BABAM2: variants seen among roughly 807,000 people sequenced by gnomAD.
BABAM2 encodes the protein BRISC and BRCA1 A complex member 2, also known as BRISC and BRCA1-A complex member 2.
BABAM2 carries 31 observed loss-of-function variants against 54.7 expected under a neutral mutation model. The ratio of observed to expected loss-of-function variants is 0.57; its 90% CI spans 0.43 to 0.77. The LOEUF (loss-of-function observed/expected upper bound fraction) is 0.77, where lower values mean the gene tolerates loss of function less well. Among genes scored for constraint, BABAM2 ranks in the 30% least tolerant of loss-of-function variants. The pLI is 0.00. For missense variants in BABAM2, 364 were observed against 455.8 expected (o/e 0.80, Z 1.83); for synonymous variants, 167 against 162.9 (o/e 1.03, Z -0.19).
At chr2:28,306,067 C>T (rs7567532) in intron 11 of BABAM2, among the ~76,000 whole-genome samples, 25 of 151,858 alleles carry the variant, frequency 1.6e-4, no homozygotes, top group Middle Eastern at 3.4e-3. Flanking sequence ...TATATTAATT[C>T]GGTTTTGGTC....
chr2:27,955,980 T>C (rs903469834), intron 3 of BABAM2, among the ~76,000 whole-genome samples: 62 of 66,716 alleles, frequency 9.3e-4, no homozygotes, highest in Non-Finnish European at 2.2e-3. Context: ...TTTGGCAACA[T>C]GTTTTTTTTT....
intron 7 of BABAM2, among the ~76,000 whole-genome samples, chr2:28,222,931 C>T (rs950158611): frequency 6.6e-6 from 1 of 152,206 alleles, no homozygotes; most frequent in African/African-American, 2.4e-5. Flanking sequence ...AGGCCCGCCC[C>T]GCACTCTGTC....
intron 2 of BABAM2, among the ~76,000 whole-genome samples, chr2:27,925,008 T>C (rs1442573526): frequency 6.6e-6 from 1 of 152,228 alleles, no homozygotes; most frequent in African/African-American, 2.4e-5. Flanking sequence ...TTGAGCACTT[T>C]GGCTCTTGGC....
At chr2:28,175,045 A>T (rs1409982359) in intron 7 of BABAM2, among the ~76,000 whole-genome samples, 1 of 152,148 alleles carries the variant, frequency 6.6e-6, no homozygotes, top group African/African-American at 2.4e-5. Flanking sequence ...GCCTAAAGCT[A>T]TTGCCACTGA....
At chr2:27,948,666 G>A (rs1362681268) in intron 3 of BABAM2, among the ~76,000 whole-genome samples, 1 of 152,196 alleles carries the variant, frequency 6.6e-6, no homozygotes, top group Non-Finnish European at 1.5e-5. Context: ...AGCTACTTGG[G>A]AGGCTGAGGC....
chr2:28,159,137 T>C (rs1004457307), intron 7 of BABAM2, among the ~76,000 whole-genome samples: 1 of 152,228 alleles, frequency 6.6e-6, no homozygotes, highest in Non-Finnish European at 1.5e-5. Flanking sequence ...TAGTGTAATA[T>C]GTCATTATTC....
intron 7 of BABAM2, among the ~76,000 whole-genome samples, chr2:28,229,589 C>CTT (rs5830065): frequency 1.5e-5 from 2 of 133,176 alleles, no homozygotes; most frequent in African/African-American, 2.7e-5. Context: ...TTCTTTTTTT[C>CTT]TTTTTTTTTT....
rs116724318 is a variant in BABAM2, at chr2:28,320,588, G to A, written c.1089-17862G>A. Among the ~76,000 whole-genome samples, 697 of 152,330 alleles carry A rather than the reference G, an allele frequency of 4.6e-3. 7 individuals are homozygous for A. Among genetic ancestry groups the A allele is most frequent in the African/African-American group, 0.016 (647 of 41,570 alleles). On this transcript the variant is annotated intron_variant, in intron 11 of 11. Transcript: ENST00000379624. ...ACTACTCCACGTTGCCAGGCCCATG[G>A]TGATGTCCTCACATTTAGCTGCAGC... is the stretch of plus-strand genomic sequence containing the variant.
At chr2:27,890,594 C>T (rs1452033032), upstream of BABAM2, 1 of 479,326 alleles carries the variant, frequency 2.1e-6, no homozygotes, top group East Asian at 3.6e-5. This position sits in a 1 kb window ranked among gnomAD's most constrained non-coding sequence, Gnocchi z 4.8. Flanking sequence ...CCTCGTCACT[C>T]ACGGGGCAGG....
At chr2:28,288,939 C>G (rs571315196) in intron 10 of BABAM2, among the ~76,000 whole-genome samples, 12 of 151,410 alleles carry the variant, frequency 7.9e-5, no homozygotes, top group African/African-American at 2.9e-4. Flanking sequence ...TTCTTCCTGG[C>G]ACTCTACCCA....
chr2:27,922,126 A>C, intron 2 of BABAM2, among the ~76,000 whole-genome samples: 1 of 152,344 alleles, frequency 6.6e-6, no homozygotes, highest in East Asian at 1.9e-4. Flanking sequence ...CCAATCCCAG[A>C]GTGCCAGTGA....
At chr2:28,260,635 C>G (rs1480733294) in intron 10 of BABAM2, among the ~76,000 whole-genome samples, 1 of 152,088 alleles carries the variant, frequency 6.6e-6, no homozygotes, top group Non-Finnish European at 1.5e-5. Context: ...ATCATTTAGT[C>G]TTTTACATCC....
intron 4 of BABAM2, among the ~76,000 whole-genome samples, chr2:28,003,569 G>A (rs997614973): frequency 6.6e-6 from 1 of 151,970 alleles, no homozygotes; most frequent in Non-Finnish European, 1.5e-5. Flanking sequence ...CAGCTTGAGC[G>A]ACAGAGTGAG....
intron 6 of BABAM2, among the ~76,000 whole-genome samples, chr2:28,082,622 A>T (rs1374088942): frequency 6.6e-6 from 1 of 152,232 alleles, no homozygotes; most frequent in East Asian, 1.9e-4. Flanking sequence ...TCCTCAGATA[A>T]TGATCACAGT....
intron 6 of BABAM2, among the ~76,000 whole-genome samples, chr2:28,081,682 C>T (rs1340730266): frequency 2.6e-5 from 4 of 152,156 alleles, no homozygotes; most frequent in African/African-American, 9.7e-5. Flanking sequence ...CTGTTTCCCT[C>T]ACTTCAGCCC....
chr2:28,310,229 C>T, intron 11 of BABAM2: 2 of 1,436,346 alleles, frequency 1.4e-6, no homozygotes, highest in Non-Finnish European at 1.9e-6. Flanking sequence ...AAAAGCCTGG[C>T]CATCAATTAC....
At chr2:27,933,914 T>G (rs566935818) in intron 3 of BABAM2, among the ~76,000 whole-genome samples, 2 of 152,058 alleles carry the variant, frequency 1.3e-5, no homozygotes, top group South Asian at 4.2e-4. Context: ...GTCCTTTTAA[T>G]AATACAGTTA....
chr2:28,192,431 A>G (rs533166103), intron 7 of BABAM2, among the ~76,000 whole-genome samples: 3 of 125,700 alleles, frequency 2.4e-5, no homozygotes, highest in Admixed American at 2.4e-4. Flanking sequence ...TGTACCCTGG[A>G]ACTTAAAGTA....
intron 2 of BABAM2, among the ~76,000 whole-genome samples, chr2:27,913,890 T>G (rs1666778956): frequency 6.6e-6 from 1 of 152,202 alleles, no homozygotes; most frequent in Admixed American, 6.5e-5. Flanking sequence ...TAATTGTAAC[T>G]GATGAAGATT....
Sources: gnomAD v4.1 joint callset for allele counts (sites outside exome capture counted in the v4.1 genomes callset) on GRCh38, gnomAD v4.1.1 for gene constraint, Gnocchi (gnomAD v3.1) non-coding constraint, MANE v1.5 for transcripts, NCBI Gene and HGNC (gene_info 2026-07-23, HGNC 2026-07-21) for gene names.